ATP2B2: variants seen among roughly 807,000 people sequenced by gnomAD.
ATP2B2 encodes the protein plasma membrane calcium-transporting ATPase 2.
ATP2B2 carries 15 observed loss-of-function variants against 120.0 expected under a neutral mutation model. That is an observed-to-expected ratio of 0.12 (90% CI 0.08 to 0.19). The LOEUF is 0.19. ATP2B2 is among the 10% of genes least tolerant of loss of function. The pLI is 1.00. For missense variants in ATP2B2, 1,045 were observed against 1,719.8 expected, an observed-to-expected ratio of 0.61 and a Z score of 6.94; for synonymous variants, 694 against 700.3, an observed-to-expected ratio of 0.99 and a Z score of 0.14.
intron 2 of ATP2B2, among the ~76,000 whole-genome samples, chr3:10,430,764 G>C (rs2063291019): frequency 6.6e-6 from 1 of 151,466 alleles, no homozygotes; most frequent in African/African-American, 2.4e-5. Context: ...AGTCCCAAGA[G>C]GCCACTGAGT....
At chr3:10,550,166 GA>G (rs2067637879) in intron 2 of ATP2B2, among the ~76,000 whole-genome samples, 1 of 152,192 alleles carries the variant, frequency 6.6e-6, no homozygotes. Flanking sequence ...AATTTCAACA[GA>G]AAAAGCAAGT....
intron 1 of ATP2B2, among the ~76,000 whole-genome samples, chr3:10,648,982 T>C (rs1325930368): frequency 6.6e-6 from 1 of 152,236 alleles, no homozygotes; most frequent in East Asian, 1.9e-4. Flanking sequence ...GATTCACCTG[T>C]TGCATAAACC....
intron 1 of ATP2B2, among the ~76,000 whole-genome samples, chr3:10,661,232 T>C (rs1161403196): frequency 1.3e-5 from 2 of 152,002 alleles, no homozygotes; most frequent in Non-Finnish European, 2.9e-5. Context: ...AACATAGTGT[T>C]GGAAGTTCTG....
At chr3:10,483,870 T>C (rs1179975431) in intron 1 of ATP2B2, among the ~76,000 whole-genome samples, 2 of 152,172 alleles carry the variant, frequency 1.3e-5, no homozygotes, top group South Asian at 2.1e-4. Context: ...GCCGGTGCAT[T>C]GGCGTCAGCC....
chr3:10,667,669 G>C (rs2070979905), intron 1 of ATP2B2, among the ~76,000 whole-genome samples: 1 of 152,180 alleles, frequency 6.6e-6, no homozygotes, highest in African/African-American at 2.4e-5. Context: ...CAGAGGTCGA[G>C]GGAAAGGGGC....
At chr3:10,336,855 C>T (rs951934247) in intron 22 of ATP2B2, among the ~76,000 whole-genome samples, 1 of 152,242 alleles carries the variant, frequency 6.6e-6, no homozygotes, top group African/African-American at 2.4e-5. Flanking sequence ...GCAGGCAAGA[C>T]AGGCGCCCCT....
At chr3:10,566,196 C>T (rs1357204655) in intron 2 of ATP2B2, 1 of 152,306 alleles carries the variant, frequency 6.6e-6, no homozygotes, top group Non-Finnish European at 1.5e-5. Flanking sequence ...TTGATACCCA[C>T]TGTTCACCCA....
chr3:10,510,532 G>A (rs1020664857), upstream of ATP2B2, among the ~76,000 whole-genome samples: 9 of 152,202 alleles, frequency 5.9e-5, no homozygotes, highest in African/African-American at 1.9e-4. Flanking sequence ...ATATCTTCCC[G>A]GCCACACAGC....
intron 1 of ATP2B2, among the ~76,000 whole-genome samples, chr3:10,623,852 C>T (rs145838341): frequency 6.6e-5 from 10 of 152,360 alleles, no homozygotes; most frequent in Admixed American, 2.6e-4. Flanking sequence ...GCCCAAACAA[C>T]ATGCCCTAAA....
At chr3:10,486,328 T>TGTGCGTGCGTGC (rs149290932) in intron 1 of ATP2B2, among the ~76,000 whole-genome samples, 2 of 115,582 alleles carry the variant, frequency 1.7e-5, no homozygotes, top group African/African-American at 5.7e-5. Flanking sequence ...TGCGTGCGTG[T>TGTGCGTGCGTGC]GTGTGTGTGT....
At chr3:10,474,040 T>C (rs142192705) in intron 1 of ATP2B2, among the ~76,000 whole-genome samples, 175 of 152,088 alleles carry the variant, frequency 1.2e-3, no homozygotes, top group Non-Finnish European at 1.9e-3. Context: ...AGGGAGGAAG[T>C]GAGGTGGCTA....
At chr3:10,335,523 T>G (rs1315741182) in intron 22 of ATP2B2, among the ~76,000 whole-genome samples, 5 of 152,204 alleles carry the variant, frequency 3.3e-5, no homozygotes, top group South Asian at 4.1e-4. Flanking sequence ...TTGGCTCAAC[T>G]GTCCCCCTTG....
At chr3:10,444,193 A>G (rs1358081710) in intron 2 of ATP2B2, among the ~76,000 whole-genome samples, 1 of 152,114 alleles carries the variant, frequency 6.6e-6, no homozygotes, top group East Asian at 1.9e-4. Context: ...TGAATTCCCC[A>G]TGCCGACTCC....
intron 3 of ATP2B2, among the ~76,000 whole-genome samples, chr3:10,516,951 A>C (rs1408574640): frequency 6.6e-6 from 1 of 150,818 alleles, no homozygotes; most frequent in African/African-American, 2.5e-5. Flanking sequence ...GTTTAGATCT[A>C]CAATTTTCAG....
At chr3:10,516,047 G>A (rs893998468) in intron 3 of ATP2B2, among the ~76,000 whole-genome samples, 2 of 152,178 alleles carry the variant, frequency 1.3e-5, no homozygotes, top group African/African-American at 4.8e-5. Context: ...CAAGGTGGGA[G>A]CATTGACACC....
At chr3:10,648,240 C>T (rs1181449711) in intron 1 of ATP2B2, among the ~76,000 whole-genome samples, 1 of 152,230 alleles carries the variant, frequency 6.6e-6, no homozygotes, top group African/African-American at 2.4e-5. Flanking sequence ...CTCTCACCTG[C>T]TCTCAACCTA....
chr3:10,424,353 G>T (rs2063082815), intron 2 of ATP2B2, among the ~76,000 whole-genome samples: 1 of 152,180 alleles, frequency 6.6e-6, no homozygotes, highest in Non-Finnish European at 1.5e-5. Flanking sequence ...GTCTGCTTCA[G>T]GATGCAGCAC....
At position 10,526,164 on chromosome 3, in the gene ATP2B2, C is replaced by A. The variant is rs552071767; in HGVS notation, c.-320+7875G>T. 8.5e-5 allele frequency among the ~76,000 whole-genome samples: 13 copies of A among 152,328 alleles called. No homozygotes were observed. The South Asian group carries it at 2.7e-3, about 32-fold the overall frequency. ...GAGCCTTCCTTCTCCTTACAGCAAACCCCATCCTCTCCTTCTCCTCTCTCC... is the reference window on the plus strand; with the variant it reads ...GAGCCTTCCTTCTCCTTACAGCAAAACCCATCCTCTCCTTCTCCTCTCTCC... On this transcript the variant is annotated intron_variant, in intron 3 of 21. Coordinates refer to the ATP2B2 transcript ENST00000646379.
intron 6 of ATP2B2, chr3:10,387,923 G>A (rs1559267924): frequency 2.9e-6 from 1 of 345,220 alleles, no homozygotes; most frequent in African/African-American, 2.1e-5. Flanking sequence ...GCTTCCAATG[G>A]GTGGGGATTT....
Sources: gnomAD v4.1 joint callset for allele counts (sites outside exome capture counted in the v4.1 genomes callset) on GRCh38, gnomAD v4.1.1 for gene constraint, MANE v1.5 for transcripts, NCBI Gene and HGNC (gene_info 2026-07-23, HGNC 2026-07-21) for gene names.